The following SLC22A7 variants were observed in gnomAD, a reference collection of about 807,000 sequenced individuals.
The protein encoded by SLC22A7 is hOAT2.
A neutral mutation model predicts 62.2 loss-of-function variants in SLC22A7; 48 were observed. That is an observed-to-expected ratio of 0.77 (90% CI 0.61 to 0.98). The LOEUF is 0.98. Ranked by LOEUF, SLC22A7 falls within the 50% of genes least tolerant of loss-of-function variation. The probability of loss-of-function intolerance (pLI) is 0.00; values close to 1 mark genes in which losing one functional copy is unlikely to be tolerated. For missense variants in SLC22A7, 581 were observed against 703.8 expected, an observed-to-expected ratio of 0.83 and a Z score of 1.97; for synonymous variants, 276 against 314.8, an observed-to-expected ratio of 0.88 and a Z score of 1.30.
At position 43,299,840 on chromosome 6, in the gene SLC22A7, T is replaced by A; in HGVS notation, c.659-58T>A. 1 of 1,613,982 alleles carries A rather than the reference T, an allele frequency of 6.2e-7. No homozygotes were observed. The highest frequency in any genetic ancestry group is 1.3e-5 in the African/African-American group (1 of 74,974). On this transcript the variant is annotated intron_variant, in intron 4 of 10. Transcript: ENST00000372585. This position sits in a 1 kb window ranked among gnomAD's most constrained non-coding sequence, Gnocchi z 4.4. Reference sequence around the variant, plus strand: ...GGCTGGAAGAAGGCAGTTGTCAGAGTGAGGCTGAGCCCATCTGGTCCTCAC... The same window carrying A: ...GGCTGGAAGAAGGCAGTTGTCAGAGAGAGGCTGAGCCCATCTGGTCCTCAC...
intron 9 of SLC22A7, chr6:43,303,267 C>A: frequency 2.1e-6 from 1 of 477,152 alleles, no homozygotes; most frequent in Non-Finnish European, 2.7e-6. Flanking sequence ...TCGAGACCAG[C>A]CTGACCAACA....
intron 9 of SLC22A7, chr6:43,303,078 G>T (rs746588491): frequency 2.0e-5 from 20 of 980,318 alleles, no homozygotes; most frequent in Admixed American, 1.2e-4. Context: ...CTCTGTGTTT[G>T]CCCTAGTCTT....
At chr6:43,304,380 C>T in intron 10 of SLC22A7, 136 bp downstream of exon 10, 2 of 785,370 alleles carry the variant, frequency 2.5e-6, no homozygotes, top group Non-Finnish European at 1.9e-6. Flanking sequence ...TGTGTGCGTG[C>T]ACAGGTGAGT....
Position 43,302,505 on chromosome 6 carries a change from C to CCA in SLC22A7, c.1276+93_1276+94dup. On this transcript the variant is annotated intron_variant, in intron 8 of 10. Transcript: ENST00000372585. This position sits in a 1 kb window ranked among gnomAD's most constrained non-coding sequence, Gnocchi z 5.0. ...GAGACCCCACCTCCTGGCCAAGAAC[C>CCA]CACTCCTCCCCCAGATCCCTGCTCT... 8.0e-7 allele frequency: 1 copy of CCA among 1,256,046 alleles called. No individual in the cohort carries two copies. The highest frequency in any genetic ancestry group is 1.1e-6 in the Non-Finnish European group (1 of 910,218). The allele number at this position is 1,256,046 out of a possible 1,614,324, so 77.8% of individuals were successfully genotyped here.
chr6:43,304,014 C>G, intron 9 of SLC22A7, 24 bp from the exon 10 acceptor site: 3 of 1,487,556 alleles, frequency 2.0e-6, no homozygotes, highest in Non-Finnish European at 2.7e-6. Flanking sequence ...CCATCTGCCT[C>G]CCTCATCCTC....
Position 43,299,991 on chromosome 6 carries a change from G to T in SLC22A7, c.752G>T (p.Gly251Val), listed in dbSNP as rs1778681440. ...TGGVMLLALVGYLIRDWRWLL... is the reference protein window; with the variant it reads ...TGGVMLLALVVYLIRDWRWLL... The stretch of plus-strand genomic sequence containing the variant: ...GGCGTGATGCTGCTGGCACTGGTTG[G>T]GTACCTGATACGGGACTGGCGATGG... Residue 251 changes from glycine (G) to valine (V), a missense_variant, in exon 5 of 11, where the codon GGG becomes GTG. Coordinates refer to ENST00000372585, the MANE Select transcript of SLC22A7 (RefSeq NM_153320.2). This position sits in a 1 kb window ranked among gnomAD's most constrained non-coding sequence, Gnocchi z 4.4. The T allele has an allele frequency of 6.2e-7, 1 of 1,613,994 alleles. No homozygotes were observed. Among genetic ancestry groups the T allele is most frequent in the Non-Finnish European group, 8.5e-7 (1 of 1,180,024 alleles).
chr6:43,298,046 A>G (rs1322595949), upstream of SLC22A7: 1 of 292,746 alleles, frequency 3.4e-6, no homozygotes, highest in Admixed American at 4.8e-5. Flanking sequence ...CTATGCCATC[A>G]CCCAGCTACC....
rs1022682681 is a variant in SLC22A7, at chr6:43,301,075, C to T, written c.828-60C>T. ...GGAAGTTGAGAGCCTGTAGTATGTC[C>T]AGGAACATGTGGCTTAGGGTCATGA... On this transcript the variant is annotated intron_variant, in intron 5 of 10. Transcript: ENST00000372585. The T allele has an allele frequency of 2.1e-5, 34 of 1,608,692 alleles. No homozygotes were observed. The Admixed American group carries it at 4.5e-4, about 21-fold the overall frequency.
Position 43,298,401 on chromosome 6 carries a change from C to T in SLC22A7, c.43C>T (p.Pro15Ser), listed in dbSNP as rs903678591. 6.2e-6 allele frequency: 10 copies of T among 1,613,734 alleles called. No homozygotes were observed. In the African/African-American group the frequency reaches 1.3e-4, roughly 22 times the overall value. The change falls in exon 1 of 11, where the codon CCC (proline) becomes TCC (serine). Residue 15 changes from proline to serine, a missense_variant. Pro to Ser is a moderately conservative substitution (Grantham distance 74). Transcript: ENST00000372585. ...GCTGGAGCAGGTGGGCGGCTTTGGG[C>T]CCTTCCAACTGCGGAATGTGGCACT... ...ELLEQVGGFG[P>S]FQLRNVALLA...
intron 5 of SLC22A7, 65 bp from the exon 6 acceptor site, chr6:43,301,070 A>T: frequency 3.1e-6 from 5 of 1,601,122 alleles, no homozygotes; most frequent in Non-Finnish European, 4.3e-6. Flanking sequence ...AGCCTGTAGT[A>T]TGTCCAGGAA....
chr6:43,299,811 A>G lies in SLC22A7; in HGVS notation c.658+30A>G. Reference sequence around the variant, plus strand: ...GGCAGGCAAGAAACAGGCAGGACCTAGAGGGCTGGAAGAAGGCAGTTGTCA... The same window carrying G: ...GGCAGGCAAGAAACAGGCAGGACCTGGAGGGCTGGAAGAAGGCAGTTGTCA... On this transcript the variant is annotated intron_variant, in intron 4 of 10. Coordinates refer to ENST00000372585, the MANE Select transcript of SLC22A7 (RefSeq NM_153320.2). The surrounding 1 kb of genome is among the most constrained non-coding windows in gnomAD (Gnocchi z 4.4). 3.1e-6 allele frequency: 5 copies of G among 1,614,212 alleles called. No individual in the cohort carries two copies. The highest frequency in any genetic ancestry group is 4.2e-6 in the Non-Finnish European group (5 of 1,180,024).
chr6:43,296,863 A>G (rs1778574944), upstream of SLC22A7, among the ~76,000 whole-genome samples: 1 of 152,046 alleles, frequency 6.6e-6, no homozygotes, highest in African/African-American at 2.4e-5. Context: ...ACCCTCTTAG[A>G]TTTGTGTTTA....
At position 43,300,150 on chromosome 6, in the gene SLC22A7, A is replaced by G; in HGVS notation, c.827+84A>G. The G allele has an allele frequency of 2.9e-6, 4 of 1,390,152 alleles. No individual in the cohort carries two copies. In the South Asian group the frequency reaches 5.1e-5, roughly 18 times the overall value. 86.1% of individuals were successfully genotyped at this position (1,390,152 alleles called of 1,614,324 possible). A position where few individuals can be genotyped will look rare whatever the true frequency, so the allele number is the denominator to read the frequency against. On this transcript the variant is annotated intron_variant, in intron 5 of 10. Coordinates refer to ENST00000372585, the MANE Select transcript of SLC22A7 (RefSeq NM_153320.2). ...CAGAGCCTGAGATTTGAGGATAGAG[A>G]GATTGAGAGATGAAGGGAAAGAGAA... is the stretch of plus-strand genomic sequence containing the variant.
rs1450447827 is a variant in SLC22A7, at chr6:43,298,530, T to C, written c.172T>C (p.Phe58Leu). 8 of 1,613,692 alleles carry C rather than the reference T, an allele frequency of 5.0e-6. No individual in the cohort carries two copies. The South Asian group carries it at 6.6e-5, about 13-fold the overall frequency. The change falls in exon 1 of 11, where the codon TTC (phenylalanine) becomes CTC (leucine). Residue 58 changes from phenylalanine to leucine, a missense_variant. Coordinates refer to ENST00000372585, the MANE Select transcript of SLC22A7 (RefSeq NM_153320.2). ...TGCCCTGCCGGGTGCCCCTGCCAACTTCAGCCATCAGGATGTGTGGCTGGA... is the reference window on the plus strand; with the variant it reads ...TGCCCTGCCGGGTGCCCCTGCCAACCTCAGCCATCAGGATGTGTGGCTGGA... ...RCALPGAPANFSHQDVWLEAH... is the reference protein window; with the variant it reads ...RCALPGAPANLSHQDVWLEAH...
intron 10 of SLC22A7, 79 bp downstream of exon 10, chr6:43,304,323 G>A: frequency 8.1e-7 from 1 of 1,231,642 alleles, no homozygotes; most frequent in Admixed American, 2.7e-5. Flanking sequence ...GACACCTTAG[G>A]ATTCAGACAG....
In SLC22A7 at chr6:43,298,314, A is replaced by G. The variant is rs1778603809; in HGVS notation, c.-45A>G. 5 of 1,540,506 alleles carry G rather than the reference A, an allele frequency of 3.2e-6. No individual in the cohort carries two copies. The Admixed American group carries it at 7.0e-5, about 22-fold the overall frequency. On this transcript the variant is annotated 5_prime_UTR_variant, in exon 1 of 11. Transcript: ENST00000372585. Reference sequence around the variant, plus strand: ...GTGGTGGGCAGTTTGAGCTGGCTGGATACTAGAGGGAGGCTGCACCTGAAG... The same window carrying G: ...GTGGTGGGCAGTTTGAGCTGGCTGGGTACTAGAGGGAGGCTGCACCTGAAG...
chr6:43,304,710 G>A lies in SLC22A7; in HGVS notation c.1632G>A (p.Lys544=). 3 of 1,594,654 alleles carry A rather than the reference G, an allele frequency of 1.9e-6. No homozygotes were observed. Among genetic ancestry groups the A allele is most frequent in the Non-Finnish European group, 2.6e-6 (3 of 1,167,378 alleles). Residue 544 remains lysine, a synonymous_variant, in exon 11 of 11, where the codon AAG becomes AAA. Coordinates refer to ENST00000372585, the MANE Select transcript of SLC22A7 (RefSeq NM_153320.2). ...TSLQEEEMPM[K]QVQN is the part of the protein sequence containing the mutation. ...TTCAGGAGGAAGAGATGCCCATGAA[G>A]CAGGTCCAGAACTAAGTGGGAGTGG... is the stretch of plus-strand genomic sequence containing the variant.
intron 1 of SLC22A7, 42 bp downstream of exon 1, chr6:43,298,793 G>A: frequency 4.0e-6 from 6 of 1,515,206 alleles, no homozygotes; most frequent in Non-Finnish European, 5.3e-6. Context: ...AGAGGGATGG[G>A]CCTGCCATTG....
At chr6:43,303,625 G>A (rs958902202) in intron 9 of SLC22A7, among the ~76,000 whole-genome samples, 2 of 152,100 alleles carry the variant, frequency 1.3e-5, no homozygotes, top group East Asian at 1.9e-4. Context: ...GGGTTGGGGG[G>A]GTCTTTCAGC....
Sources: gnomAD v4.1 joint callset for allele counts (sites outside exome capture counted in the v4.1 genomes callset) on GRCh38, gnomAD v4.1.1 for gene constraint, Gnocchi (gnomAD v3.1) non-coding constraint, MANE v1.5 for transcripts, NCBI Gene and HGNC (gene_info 2026-07-23, HGNC 2026-07-21) for gene names.